The following SYNPR variants were observed in gnomAD, a reference collection of about 807,000 sequenced individuals.
The protein encoded by SYNPR is synaptoporin.
SYNPR carries 23 observed loss-of-function variants against 32.9 expected under a neutral mutation model. That is an observed-to-expected ratio of 0.70 (90% CI 0.50 to 0.99). The LOEUF is 0.99. Among genes scored for constraint, SYNPR ranks in the 50% least tolerant of loss-of-function variants. SYNPR has a pLI of 0.00. For missense variants in SYNPR, 318 were observed against 349.3 expected (o/e 0.91, Z 0.71); for synonymous variants, 146 against 135.9 (o/e 1.07, Z -0.52).
At chr3:63,556,481 C>A in intron 3 of SYNPR, 62 bp from the exon 4 acceptor site, 2 of 1,449,416 alleles carry the variant, frequency 1.4e-6, no homozygotes, top group Non-Finnish European at 1.9e-6. Context: ...GATGTAGACA[C>A]AAGTCATGTA....
intron 2 of SYNPR, among the ~76,000 whole-genome samples, chr3:63,413,752 T>C (rs2088500284): frequency 6.6e-6 from 1 of 152,168 alleles, no homozygotes; most frequent in Non-Finnish European, 1.5e-5. Flanking sequence ...CTGATGGTGA[T>C]TGCTGCTTGG....
chr3:63,460,386 A>G (rs1311211225), intron 2 of SYNPR, among the ~76,000 whole-genome samples: 1 of 151,950 alleles, frequency 6.6e-6, no homozygotes, highest in Non-Finnish European at 1.5e-5. Context: ...ATTCATTTCT[A>G]TGCATCCTTT....
intron 3 of SYNPR, among the ~76,000 whole-genome samples, chr3:63,513,094 G>T (rs1701729128): frequency 6.9e-6 from 1 of 144,456 alleles, no homozygotes; most frequent in Admixed American, 7.0e-5. Flanking sequence ...TGGGAAAGGA[G>T]AAATACACCA....
intron 2 of SYNPR, among the ~76,000 whole-genome samples, chr3:63,284,281 A>G (rs924145027): frequency 1.3e-5 from 2 of 152,288 alleles, no homozygotes; most frequent in Non-Finnish European, 2.9e-5. Context: ...CCACACATCC[A>G]TGTTGTTCAG....
chr3:63,511,636 C>A (rs1559521727), intron 3 of SYNPR, among the ~76,000 whole-genome samples: 1 of 152,050 alleles, frequency 6.6e-6, no homozygotes, highest in Non-Finnish European at 1.5e-5. Flanking sequence ...AGTTCTTTGT[C>A]TCTCTGAGCA....
intron 4 of SYNPR, among the ~76,000 whole-genome samples, chr3:63,600,780 G>C (rs1700029139): frequency 6.6e-6 from 1 of 152,038 alleles, no homozygotes; most frequent in African/African-American, 2.4e-5. Flanking sequence ...AGTTTCTTGA[G>C]GCCTCCCCAG....
intron 2 of SYNPR, among the ~76,000 whole-genome samples, chr3:63,395,733 T>TTA (rs1034857364): frequency 4.6e-5 from 7 of 152,250 alleles, no homozygotes; most frequent in East Asian, 3.9e-4. Flanking sequence ...TATATACATA[T>TTA]TATATATATG....
chr3:63,315,732 C>A (rs564912488), intron 2 of SYNPR, among the ~76,000 whole-genome samples: 19 of 152,078 alleles, frequency 1.2e-4, no homozygotes, highest in African/African-American at 4.3e-4. Flanking sequence ...CCCTTTATTT[C>A]TTTCTCTTGT....
At chr3:63,454,022 GTTC>G (rs1368900143) in intron 2 of SYNPR, among the ~76,000 whole-genome samples, 1 of 152,086 alleles carries the variant, frequency 6.6e-6, no homozygotes, top group Non-Finnish European at 1.5e-5. Flanking sequence ...TTAGCATACA[GTTC>G]TTGTTACTTC....
chr3:63,414,455 T>C (rs557871502), intron 2 of SYNPR, among the ~76,000 whole-genome samples: 65 of 152,322 alleles, frequency 4.3e-4, no homozygotes, highest in African/African-American at 1.5e-3. Flanking sequence ...ATGGGCCAAG[T>C]GTCTTCTTCA....
chr3:63,437,467 C>A (rs6762931), intron 2 of SYNPR, among the ~76,000 whole-genome samples: 3,338 of 151,932 alleles, frequency 0.022, 100 homozygotes, highest in African/African-American at 0.068. Context: ...GGCACACTCA[C>A]ACAGAGTGAT....
the SYNPR span, among the ~76,000 whole-genome samples, chr3:63,211,440 G>C: frequency 2.2e-4 from 33 of 152,188 alleles, no homozygotes; most frequent in Non-Finnish European, 4.0e-4. Context: ...GGAGATTCAA[G>C]TTTACAGTTT....
At position 63,585,457 on chromosome 3, in the gene SYNPR, C is replaced by CCA. The variant is rs1553649476; in HGVS notation, c.409-23667_409-23666insAC. Among the ~76,000 whole-genome samples the CCA allele has an allele frequency of 6.2e-3, 506 of 81,748 alleles. 4 individuals are homozygous for CCA. Among genetic ancestry groups the CCA allele is most frequent in the African/African-American group, 0.025 (478 of 19,220 alleles). The allele number at this position is 81,748 out of a possible 152,430, so 53.6% of individuals were successfully genotyped here. On this transcript the variant is annotated intron_variant, in intron 4 of 5. Transcript: ENST00000478300. ...TCCTTCTGTATATCCATGCCCCCCC[C>CCA]CTCCGCCCCGCACCCACCACACACA...
At chr3:63,473,997 A>T (rs60263723) in intron 2 of SYNPR, among the ~76,000 whole-genome samples, 6,301 of 152,242 alleles carry the variant, frequency 0.041, 336 homozygotes, top group East Asian at 0.18. Flanking sequence ...ATTTTGGTTC[A>T]ATAAGTTTAT....
Position 63,476,133 on chromosome 3 carries a change from G to GGAAA in SYNPR, c.85-4696_85-4695insAGAA, listed in dbSNP as rs1391631427. ...GGGGAGGAAGGAAGGAAGGAAGGAAGGAAGGAAGGAAGGAAGGGAGGGAGG... is the reference window on the plus strand; with the variant it reads ...GGGGAGGAAGGAAGGAAGGAAGGAAGGAAAGAAGGAAGGAAGGAAGGGAGGGAGG... On this transcript the variant is annotated intron_variant, in intron 2 of 5. Coordinates refer to ENST00000478300, the MANE Select transcript of SYNPR (RefSeq NM_001130003.2). 2.2e-3 allele frequency among the ~76,000 whole-genome samples: 88 copies of GGAAA among 39,142 alleles called. 3 individuals are homozygous for GGAAA. The highest frequency in any genetic ancestry group is 0.018 in the East Asian group (23 of 1,264). 25.7% of individuals were successfully genotyped at this position (39,142 alleles called of 152,430 possible).
At chr3:63,493,976 C>G (rs1701307683) in intron 3 of SYNPR, among the ~76,000 whole-genome samples, 1 of 151,906 alleles carries the variant, frequency 6.6e-6, no homozygotes. Flanking sequence ...AAGAATCAGA[C>G]AGAGCTTTGA....
upstream of SYNPR, among the ~76,000 whole-genome samples, chr3:63,226,751 A>C (rs906847189): frequency 1.4e-4 from 21 of 152,138 alleles, no homozygotes; most frequent in African/African-American, 4.8e-4. Flanking sequence ...AATGGGTACA[A>C]ATGTACAGTT....
chr3:63,441,041 A>G (rs1700160878), intron 2 of SYNPR, among the ~76,000 whole-genome samples: 1 of 152,214 alleles, frequency 6.6e-6, no homozygotes, highest in African/African-American at 2.4e-5. Context: ...CGTTGCATCC[A>G]AAGCAGAGTG....
At chr3:63,338,273 T>A (rs1290059396) in intron 2 of SYNPR, among the ~76,000 whole-genome samples, 2 of 152,220 alleles carry the variant, frequency 1.3e-5, no homozygotes, top group Non-Finnish European at 2.9e-5. Context: ...GCTAAGTAGT[T>A]CTGCTTCTCG....
Sources: gnomAD v4.1 joint callset for allele counts (sites outside exome capture counted in the v4.1 genomes callset) on GRCh38, gnomAD v4.1.1 for gene constraint, MANE v1.5 for transcripts, NCBI Gene and HGNC (gene_info 2026-07-23, HGNC 2026-07-21) for gene names.